Variants in APCDD1L observed in about 807,000 individuals in gnomAD.
The protein encoded by APCDD1L is APC down-regulated 1 like.
A neutral mutation model predicts 24.2 loss-of-function variants in APCDD1L; 21 were observed. The observed-to-expected ratio is 0.87, with a 90% confidence interval of 0.61 to 1.25. APCDD1L has a LOEUF of 1.25. Among genes scored for constraint, APCDD1L ranks in the 50% most tolerant of loss-of-function variants. The pLI is 0.00. For missense variants in APCDD1L, 704 were observed against 711.7 expected (o/e 0.99, Z 0.12); for synonymous variants, 321 against 323.6 (o/e 0.99, Z 0.09).
At chr20:58,463,242 A>G (rs1332553887) in intron 3 of APCDD1L, among the ~76,000 whole-genome samples, 1 of 152,156 alleles carries the variant, frequency 6.6e-6, no homozygotes, top group Non-Finnish European at 1.5e-5. Flanking sequence ...CTGGGACTCA[A>G]AGATGTTCAT....
Position 58,491,640 on chromosome 20 carries a change from A to G in APCDD1L, c.50-20893T>C, listed in dbSNP as rs185426869. ...ATTCAAGGATAGACAATATTAAGAG[A>G]TGTCTACCTTCTACAAACTGGTTCA... On this transcript the variant is annotated intron_variant, in intron 1 of 3. Coordinates refer to ENST00000371149, the MANE Select transcript of APCDD1L (RefSeq NM_153360.3). 3.1e-3 allele frequency among the ~76,000 whole-genome samples: 470 copies of G among 152,350 alleles called. 5 individuals are homozygous for G. The highest frequency in any genetic ancestry group is 0.011 in the African/African-American group (444 of 41,592).
chr20:58,474,411 G>A (rs1989869047), intron 1 of APCDD1L, among the ~76,000 whole-genome samples: 1 of 152,094 alleles, frequency 6.6e-6, no homozygotes, highest in African/African-American at 2.4e-5. Context: ...TAACATAAAA[G>A]GTACCATCTT....
intron 1 of APCDD1L, among the ~76,000 whole-genome samples, chr20:58,472,564 AC>A (rs1419172897): frequency 3.3e-5 from 5 of 152,358 alleles, no homozygotes; most frequent in Admixed American, 3.3e-4. Flanking sequence ...GACTGAATAA[AC>A]GAAGGTATGA....
Position 58,514,452 on chromosome 20 carries a change from A to T in APCDD1L, c.49+207T>A, listed in dbSNP as rs1990698577. 2.0e-5 allele frequency among the ~76,000 whole-genome samples: 3 copies of T among 151,256 alleles called. No individual in the cohort carries two copies. The South Asian group carries it at 6.3e-4, about 32-fold the overall frequency. ...GGCTCTCATATTGCGAGGTGACGCG[A>T]CTCCCTCCCGCAGGCCCCAGGAAGC... is the stretch of plus-strand genomic sequence containing the variant. On this transcript the variant is annotated intron_variant, in intron 1 of 3. Coordinates refer to ENST00000371149, the MANE Select transcript of APCDD1L (RefSeq NM_153360.3).
rs1384883480 is a variant in APCDD1L at position 58,461,378 on chromosome 20, C to A, written c.918G>T (p.Gly306=). 1.9e-6 allele frequency: 3 copies of A among 1,562,504 alleles called. No individual in the cohort carries two copies. Among genetic ancestry groups the A allele is most frequent in the Admixed American group, 3.6e-5 (2 of 56,132 alleles). ...AATACCCTTCCCAGGAGCGGCTGTG[C>A]CCGTGGAAAGTGAAGAGCCGGGTGA... ...LFLTRLFTFH[G]HSRSWEGYYH... is the part of the protein sequence containing the mutation. Residue 306 remains glycine, a synonymous_variant, in exon 4 of 4, where the codon GGG becomes GGT. Coordinates refer to ENST00000371149, the MANE Select transcript of APCDD1L (RefSeq NM_153360.3). This position sits in a 1 kb window ranked among gnomAD's most constrained non-coding sequence, Gnocchi z 6.0.
chr20:58,464,319 T>C (rs1989669837), intron 3 of APCDD1L, among the ~76,000 whole-genome samples: 1 of 152,206 alleles, frequency 6.6e-6, no homozygotes, highest in East Asian at 1.9e-4. Context: ...GGTGAGCAGT[T>C]TTCTGCAGAG....
At chr20:58,479,662 G>A (rs555217095) in intron 1 of APCDD1L, among the ~76,000 whole-genome samples, 41 of 149,778 alleles carry the variant, frequency 2.7e-4, no homozygotes, top group African/African-American at 9.7e-4. Flanking sequence ...TCAGCTTGAG[G>A]TAATTCACCT....
Position 58,466,162 on chromosome 20 carries a change from A to G in APCDD1L, c.741+944T>C, listed in dbSNP as rs542959224. ...AAAAAAAGTGTGCTGGGGGACTGCT[A>G]GATCCTCCCCAAATTAGGACGGTAT... On this transcript the variant is annotated intron_variant, in intron 3 of 3. Coordinates refer to ENST00000371149, the MANE Select transcript of APCDD1L (RefSeq NM_153360.3). Among the ~76,000 whole-genome samples the G allele has an allele frequency of 3.3e-5, 5 of 149,630 alleles. No individual in the cohort carries two copies. In the South Asian group the frequency reaches 1.1e-3, roughly 32 times the overall value.
intron 1 of APCDD1L, among the ~76,000 whole-genome samples, chr20:58,499,357 A>G (rs1193184534): frequency 1.3e-5 from 2 of 152,110 alleles, no homozygotes; most frequent in East Asian, 3.9e-4. Flanking sequence ...GAGGACGGGA[A>G]TGGAACCCAA....
In APCDD1L at chr20:58,494,604, G is replaced by A. The variant is rs553325294; in HGVS notation, c.49+20055C>T. Reference sequence around the variant, plus strand: ...TCCTCTTGCCTCGGCCTCCCAAAGCGTTGGGATTATAGGTGTGAGCCACTG... The same window carrying A: ...TCCTCTTGCCTCGGCCTCCCAAAGCATTGGGATTATAGGTGTGAGCCACTG... On this transcript the variant is annotated intron_variant, in intron 1 of 3. Coordinates refer to ENST00000371149, the MANE Select transcript of APCDD1L (RefSeq NM_153360.3). This position sits in a 1 kb window ranked among gnomAD's most constrained non-coding sequence, Gnocchi z 4.8. Among the ~76,000 whole-genome samples, 8 of 152,186 alleles carry A rather than the reference G, an allele frequency of 5.3e-5. No homozygotes were observed. Among genetic ancestry groups the A allele is most frequent in the East Asian group, 1.9e-4 (1 of 5,176 alleles).
At chr20:58,470,457 G>A in intron 2 of APCDD1L, 152 bp downstream of exon 2, 1 of 1,106,322 alleles carries the variant, frequency 9.0e-7, no homozygotes, top group East Asian at 2.6e-5. Context: ...TGCACTCTGG[G>A]AGGGGAGGCA....
Position 58,460,538 on chromosome 20 carries a change from G to A in APCDD1L, c.*252C>T, listed in dbSNP as rs144040492. 1.6e-3 allele frequency: 637 copies of A among 390,450 alleles called. 4 individuals carry two copies. Among genetic ancestry groups the A allele is most frequent in the African/African-American group, 0.012 (583 of 49,006 alleles). 24.2% of individuals were successfully genotyped at this position (390,450 alleles called of 1,614,324 possible). On this transcript the variant is annotated 3_prime_UTR_variant, in exon 4 of 4. Coordinates refer to ENST00000371149, the MANE Select transcript of APCDD1L (RefSeq NM_153360.3). The surrounding 1 kb of genome is among the most constrained non-coding windows in gnomAD (Gnocchi z 4.2). ...TTGGGAGTGATCTTTAGAAACTCAC[G>A]TAGCGATGAACATCACTGCCGCATC...
intron 1 of APCDD1L, among the ~76,000 whole-genome samples, chr20:58,503,106 G>A (rs547697988): frequency 3.3e-5 from 5 of 152,328 alleles, no homozygotes; most frequent in East Asian, 1.9e-4. Flanking sequence ...GTCCCTGAAA[G>A]GTTGGGGGTG....
At chr20:58,476,287 T>C (rs975806252) in intron 1 of APCDD1L, among the ~76,000 whole-genome samples, 10 of 152,102 alleles carry the variant, frequency 6.6e-5, no homozygotes, top group Non-Finnish European at 1.5e-4. Flanking sequence ...GCCTCCCAGG[T>C]TCAAGCAATT....
intron 3 of APCDD1L, among the ~76,000 whole-genome samples, chr20:58,462,301 A>AGG (rs1989623983): frequency 6.6e-6 from 1 of 152,174 alleles, no homozygotes; most frequent in Non-Finnish European, 1.5e-5. Context: ...GAGGGAGCTG[A>AGG]GACCCAGAGG....
chr20:58,463,526 T>G (rs1989652408), intron 3 of APCDD1L, among the ~76,000 whole-genome samples: 1 of 152,216 alleles, frequency 6.6e-6, no homozygotes, highest in African/African-American at 2.4e-5. Context: ...TCTTCTTTCT[T>G]CTTTCTCCTT....
Position 58,497,373 on chromosome 20 carries a change from G to A in APCDD1L, c.49+17286C>T, listed in dbSNP as rs773859201. On this transcript the variant is annotated intron_variant, in intron 1 of 3. Transcript: ENST00000371149. The surrounding 1 kb of genome is among the most constrained non-coding windows in gnomAD (Gnocchi z 4.3). Reference sequence around the variant, plus strand: ...GGCCCACTAGGAGGCCCAGGGAACAGACGCCTTGCATCGTGTCCACAGATG... The same window carrying A: ...GGCCCACTAGGAGGCCCAGGGAACAAACGCCTTGCATCGTGTCCACAGATG... Among the ~76,000 whole-genome samples the A allele has an allele frequency of 6.6e-6, 1 of 152,148 alleles. No individual in the cohort carries two copies.
At chr20:58,466,290 T>G (rs967314703) in intron 3 of APCDD1L, among the ~76,000 whole-genome samples, 1 of 152,234 alleles carries the variant, frequency 6.6e-6, no homozygotes, top group African/African-American at 2.4e-5. Context: ...TCCTTTAGCC[T>G]GCAGCCTCCC....
chr20:58,492,734 C>T (rs955219448), intron 1 of APCDD1L, among the ~76,000 whole-genome samples: 5 of 152,260 alleles, frequency 3.3e-5, no homozygotes, highest in Non-Finnish European at 4.4e-5. Context: ...CATACGCATG[C>T]ACTGACACAT....
Sources: allele counts gnomAD v4.1 joint callset (sites outside exome capture counted in the v4.1 genomes callset), GRCh38; gene constraint gnomAD v4.1.1; non-coding constraint Gnocchi (gnomAD v3.1); transcripts MANE v1.5; gene names NCBI Gene and HGNC (gene_info 2026-07-23, HGNC 2026-07-21).